The following LHX2 variants were observed in gnomAD, a reference collection of about 807,000 sequenced individuals.
LHX2 encodes LIM homeobox 2, also known as LIM/homeobox protein Lhx2.
A neutral mutation model predicts 33.0 loss-of-function variants in LHX2; 6 were observed. That is an observed-to-expected ratio of 0.18 (90% CI 0.10 to 0.36). The LOEUF (loss-of-function observed/expected upper bound fraction) is 0.36, where lower values mean the gene tolerates loss of function less well. Among genes scored for constraint, LHX2 ranks in the 10% least tolerant of loss-of-function variants. LHX2 has a pLI of 1.00. For synonymous variants in LHX2, 292 were observed against 253.1 expected, an observed-to-expected ratio of 1.15 and a Z score of -1.46; for missense variants, 442 against 586.2, an observed-to-expected ratio of 0.75 and a Z score of 2.54.
chr9:124,013,812 G>C (rs997032704), intron 1 of LHX2, 149 bp from the exon 2 acceptor site: 12 of 704,660 alleles, frequency 1.7e-5, no homozygotes, highest in South Asian at 1.4e-4. Context: ...CTTTTGGGGT[G>C]GGGGGAAGCG....
chr9:124,028,423 G>A (rs1041437825), intron 4 of LHX2, among the ~76,000 whole-genome samples: 2 of 152,192 alleles, frequency 1.3e-5, no homozygotes, highest in Admixed American at 6.5e-5. Flanking sequence ...CAGAAGATGG[G>A]TGGGTGGGGC....
intron 3 of LHX2, 50 bp from the exon 4 acceptor site, chr9:124,021,049 T>TG (rs778738685): frequency 6.0e-5 from 94 of 1,570,064 alleles, no homozygotes; most frequent in Middle Eastern, 3.3e-4. Context: ...GGATTTGGCA[T>TG]GGGGGGCGGG....
At chr9:124,028,569 A>T (rs1388503582) in intron 4 of LHX2, among the ~76,000 whole-genome samples, 1 of 152,194 alleles carries the variant, frequency 6.6e-6, no homozygotes, top group Non-Finnish European at 1.5e-5. Flanking sequence ...GAGGTGAGGG[A>T]CAAACCCGAG....
In LHX2 at chr9:124,012,143, GC is replaced by G; in HGVS notation, c.-202del. On this transcript the variant is annotated 5_prime_UTR_variant, in exon 1 of 5. Transcript: ENST00000373615. The surrounding 1 kb of genome is among the most constrained non-coding windows in gnomAD (Gnocchi z 4.3). ...CGCCCAGGCGCCCCGCAATGTAGCTGCCCCTGCGCCTCGGCGGGAGGCGTCC... is the reference window on the plus strand; with the variant it reads ...CGCCCAGGCGCCCCGCAATGTAGCTGCCCTGCGCCTCGGCGGGAGGCGTCC... The G allele has an allele frequency of 4.0e-6, 1 of 252,230 alleles. No individual in the cohort carries two copies. The highest frequency in any genetic ancestry group is 1.6e-4 in the South Asian group (1 of 6,076). The allele number at this position is 252,230 out of a possible 1,614,324, so 15.6% of individuals were successfully genotyped here.
At chr9:124,020,793 T>TTGC (rs112069275) in intron 3 of LHX2, among the ~76,000 whole-genome samples, 2,237 of 152,140 alleles carry the variant, frequency 0.015, 61 homozygotes, top group African/African-American at 0.05. Context: ...GTAGCTGTTG[T>TTGC]TGCTGCTGCT....
intron 4 of LHX2, 67 bp downstream of exon 4, chr9:124,021,371 C>A: frequency 6.9e-7 from 1 of 1,450,454 alleles, no homozygotes; most frequent in Non-Finnish European, 9.5e-7. Context: ...CTGCACCCCT[C>A]GCCGTGGGCC....
chr9:124,021,321 G>C lies in LHX2; in HGVS notation c.933+17G>C, dbSNP rs201174754. 574 of 1,610,258 alleles carry C rather than the reference G, an allele frequency of 3.6e-4. 2 individuals are homozygous for C. The highest frequency in any genetic ancestry group is 7.0e-5 in the Non-Finnish European group (82 of 1,179,042). On this transcript the variant is annotated intron_variant, in intron 4 of 4. Transcript: ENST00000373615. ...GTCCTCCAGGTCAGCCAGGGCCAGG[G>C]GTGAGGGCATCTGCGACCACCAGGG...
At position 124,012,548 on chromosome 9, in the gene LHX2, G is replaced by A. The variant is rs1859111701; in HGVS notation, c.120+80G>A. Reference sequence around the variant, plus strand: ...CAGCGCCTCTGCTCCCCGAAGTTTGGGGAGCGTCCTTCGTGCCGCACGGGA... The same window carrying A: ...CAGCGCCTCTGCTCCCCGAAGTTTGAGGAGCGTCCTTCGTGCCGCACGGGA... On this transcript the variant is annotated intron_variant, in intron 1 of 4. Transcript: ENST00000373615. This position sits in a 1 kb window ranked among gnomAD's most constrained non-coding sequence, Gnocchi z 4.3. 4 of 1,388,878 alleles carry A rather than the reference G, an allele frequency of 2.9e-6. No individual in the cohort carries two copies. Among genetic ancestry groups the A allele is most frequent in the Admixed American group, 6.0e-5 (2 of 33,348 alleles). 86.0% of individuals were successfully genotyped at this position (1,388,878 alleles called of 1,614,324 possible).
At chr9:124,021,361 C>G (rs1859290373) in intron 4 of LHX2, 57 bp downstream of exon 4, 1 of 1,517,778 alleles carries the variant, frequency 6.6e-7, no homozygotes, top group African/African-American at 1.4e-5. Context: ...GGGTGGAACC[C>G]TGCACCCCTC....
intron 4 of LHX2, among the ~76,000 whole-genome samples, chr9:124,029,416 A>G (rs1002482763): frequency 2.0e-5 from 3 of 152,294 alleles, no homozygotes; most frequent in African/African-American, 7.2e-5. Context: ...CTGGGAGAGA[A>G]TTCTAGTGAA....
chr9:124,020,060 A>C (rs550205631), intron 3 of LHX2, among the ~76,000 whole-genome samples: 162 of 152,202 alleles, frequency 1.1e-3, no homozygotes, highest in Non-Finnish European at 1.4e-3. Flanking sequence ...AACAAGGAGT[A>C]CTCCAGTGCT....
At chr9:124,026,564 A>T (rs2118776363) in intron 4 of LHX2, among the ~76,000 whole-genome samples, 1 of 152,258 alleles carries the variant, frequency 6.6e-6, no homozygotes, top group Non-Finnish European at 1.5e-5. Flanking sequence ...TGCCAAGATT[A>T]ATCTCTGTGT....
At position 124,023,760 on chromosome 9, in the gene LHX2, A is replaced by G. The variant is rs553011784; in HGVS notation, c.933+2456A>G. On this transcript the variant is annotated intron_variant, in intron 4 of 4. Coordinates refer to ENST00000373615, the MANE Select transcript of LHX2 (RefSeq NM_004789.4). Reference sequence around the variant, plus strand: ...CTCTTATTCTTTCATCTGATGAAACATATATTGGCACCAGGCCTTGGGGAC... The same window carrying G: ...CTCTTATTCTTTCATCTGATGAAACGTATATTGGCACCAGGCCTTGGGGAC... Among the ~76,000 whole-genome samples the G allele has an allele frequency of 2.0e-5, 3 of 152,338 alleles. No individual in the cohort carries two copies. In the East Asian group the frequency reaches 5.8e-4, roughly 29 times the overall value.
rs140916148 is a variant in LHX2, at chr9:124,016,397, G to T, written c.727+872G>T. The stretch of plus-strand genomic sequence containing the variant: ...AGCCGTCAACATCTGCCCGAAGTCT[G>T]CAAGGCCCGGAAAGGTTTATGACTC... On this transcript the variant is annotated intron_variant, in intron 3 of 4. Coordinates refer to ENST00000373615, the MANE Select transcript of LHX2 (RefSeq NM_004789.4). This position sits in a 1 kb window ranked among gnomAD's most constrained non-coding sequence, Gnocchi z 4.4. 1.3e-5 allele frequency among the ~76,000 whole-genome samples: 2 copies of T among 152,216 alleles called. No homozygotes were observed. Among genetic ancestry groups the T allele is most frequent in the African/African-American group, 4.8e-5 (2 of 41,464 alleles).
rs760811385 is a variant in LHX2, at chr9:124,032,485, G to A, written c.999G>A (p.Val333=). 6.2e-7 allele frequency: 1 copy of A among 1,611,742 alleles called. No homozygotes were observed. Among genetic ancestry groups the A allele is most frequent in the East Asian group, 2.2e-5 (1 of 44,878 alleles). Residue 333 remains valine, a synonymous_variant, in exon 5 of 5, where the codon GTG becomes GTA. Transcript: ENST00000373615. The surrounding 1 kb of genome is among the most constrained non-coding windows in gnomAD (Gnocchi z 4.1). ...TCTTACGGCAGGAAAACACGGGCGTGGACAAGTCGACAGACGCGGCGCTGC... is the reference window on the plus strand; with the variant it reads ...TCTTACGGCAGGAAAACACGGGCGTAGACAAGTCGACAGACGCGGCGCTGC... ...RNLLRQENTG[V]DKSTDAALQT...
At chr9:124,028,427 G>A (rs1377901194) in intron 4 of LHX2, among the ~76,000 whole-genome samples, 1 of 152,166 alleles carries the variant, frequency 6.6e-6, no homozygotes, top group Non-Finnish European at 1.5e-5. Context: ...AGATGGGTGG[G>A]TGGGGCAGAC....
At chr9:124,023,892 C>T (rs1008979184) in intron 4 of LHX2, among the ~76,000 whole-genome samples, 12 of 152,156 alleles carry the variant, frequency 7.9e-5, no homozygotes, top group Non-Finnish European at 1.0e-4. Context: ...GGGGCACCTA[C>T]TGAGGGAGCC....
At position 124,014,285 on chromosome 9, in the gene LHX2, G is replaced by GCCCC. The variant is rs1234964912; in HGVS notation, c.323+123_323+124insCCCC. On this transcript the variant is annotated intron_variant, in intron 2 of 4. Coordinates refer to ENST00000373615, the MANE Select transcript of LHX2 (RefSeq NM_004789.4). This position sits in a 1 kb window ranked among gnomAD's most constrained non-coding sequence, Gnocchi z 4.8. Reference sequence around the variant, plus strand: ...AGGGTTCACTACTCAGGACTCCCCCGCTCCCCCCCCAAGTTCTCCAAGCCA... The same window carrying GCCCC: ...AGGGTTCACTACTCAGGACTCCCCCGCCCCCTCCCCCCCCAAGTTCTCCAAGCCA... 1.6e-6 allele frequency: 1 copy of GCCCC among 623,324 alleles called. No individual in the cohort carries two copies. The highest frequency in any genetic ancestry group is 2.0e-5 in the African/African-American group (1 of 50,196). 38.6% of individuals were successfully genotyped at this position (623,324 alleles called of 1,614,324 possible). A position where few individuals can be genotyped will look rare whatever the true frequency, so the allele number is the denominator to read the frequency against.
In LHX2 at chr9:124,033,140, GTTAC is replaced by G. The variant is rs1828722970; in HGVS notation, c.*436_*439del. 6.7e-6 allele frequency: 1 copy of G among 149,748 alleles called. No individual in the cohort carries two copies. Among genetic ancestry groups the G allele is most frequent in the African/African-American group, 2.5e-5 (1 of 40,118 alleles). The allele number at this position is 149,748 out of a possible 1,614,324, so 9.3% of individuals were successfully genotyped here. A position where few individuals can be genotyped will look rare whatever the true frequency, so the allele number is the denominator to read the frequency against. On this transcript the variant is annotated 3_prime_UTR_variant, in exon 5 of 5. Transcript: ENST00000373615. Reference sequence around the variant, plus strand: ...ACAAAAAAAACAACAAAAAAAGTTTGTTACTTTGAATAGTCCTAAAAAGAAAAAA... The same window carrying G: ...ACAAAAAAAACAACAAAAAAAGTTTGTTTGAATAGTCCTAAAAAGAAAAAA...
Sources: allele counts gnomAD v4.1 joint callset (sites outside exome capture counted in the v4.1 genomes callset), GRCh38; gene constraint gnomAD v4.1.1; non-coding constraint Gnocchi (gnomAD v3.1); transcripts MANE v1.5; gene names NCBI Gene and HGNC (gene_info 2026-07-23, HGNC 2026-07-21).